The following SNX29 variants were observed in gnomAD, a reference collection of about 807,000 sequenced individuals.
SNX29 encodes the protein sorting nexin-29.
Under a neutral mutation model 102.1 loss-of-function variants are expected in SNX29, and 78 were observed. That is an observed-to-expected ratio of 0.76 (90% CI 0.64 to 0.92). SNX29 has a LOEUF of 0.92. Ranked by LOEUF, SNX29 falls within the 40% of genes least tolerant of loss-of-function variation. The pLI is 0.00. For missense variants in SNX29, 1,280 were observed against 1,061.7 expected, an observed-to-expected ratio of 1.21 and a Z score of -2.86; for synonymous variants, 580 against 414.5, an observed-to-expected ratio of 1.40 and a Z score of -4.85.
chr16:12,410,333 C>T (rs1212584330), intron 18 of SNX29, among the ~76,000 whole-genome samples: 1 of 151,962 alleles, frequency 6.6e-6, no homozygotes, highest in Non-Finnish European at 1.5e-5. Context: ...TTCCTAGAGG[C>T]CACAGGGTGT....
intron 14 of SNX29, among the ~76,000 whole-genome samples, chr16:12,236,727 G>A (rs1486200544): frequency 1.3e-5 from 2 of 152,208 alleles, no homozygotes; most frequent in African/African-American, 4.8e-5. Flanking sequence ...AGATGCTGGC[G>A]TTCCTCTTTC....
chr16:12,570,003 A>G lies in SNX29; in HGVS notation c.*1374A>G, dbSNP rs1289669793. ...TGGAACTGCTTCAACTCAGTGGCTT[A>G]AAATGAGAACTGCCCAGGTGAGCAT... is the stretch of plus-strand genomic sequence containing the variant. On this transcript the variant is annotated 3_prime_UTR_variant, in exon 21 of 21. Transcript: ENST00000566228. 3.5e-6 allele frequency: 1 copy of G among 286,200 alleles called. No individual in the cohort carries two copies. The highest frequency in any genetic ancestry group is 6.0e-6 in the Non-Finnish European group (1 of 166,922). The allele number at this position is 286,200 out of a possible 1,614,324, so 17.7% of individuals were successfully genotyped here.
In SNX29 at chr16:12,053,972, TG is replaced by T. The variant is rs200397244; in HGVS notation, c.1124+1751del. On this transcript the variant is annotated intron_variant, in intron 8 of 20. Coordinates refer to ENST00000566228, the MANE Select transcript of SNX29 (RefSeq NM_032167.5). ...ATCCAAAGCTTATATTGTCAGTTTT[TG>T]TTTTTTTTTTTTGAGACAGAGTCTT... 4.0e-3 allele frequency among the ~76,000 whole-genome samples: 607 copies of T among 150,168 alleles called. 10 individuals are homozygous for T. Among genetic ancestry groups the T allele is most frequent in the African/African-American group, 0.013 (545 of 41,078 alleles).
chr16:12,048,055 C>G (rs1361497818), intron 6 of SNX29, among the ~76,000 whole-genome samples: 2 of 151,936 alleles, frequency 1.3e-5, no homozygotes, highest in African/African-American at 4.8e-5. Flanking sequence ...CAGTTGACCT[C>G]TTATTCATAT....
At chr16:12,018,663 A>C (rs1414288902) in intron 3 of SNX29, among the ~76,000 whole-genome samples, 2 of 151,394 alleles carry the variant, frequency 1.3e-5, no homozygotes, top group African/African-American at 2.4e-5. Flanking sequence ...TTGTCTACCT[A>C]AAGTCAACTT....
rs527972313 is a variant in SNX29 at position 12,088,763 on chromosome 16, T to C, written c.1402+9848T>C. Among the ~76,000 whole-genome samples the C allele has an allele frequency of 2.0e-5, 3 of 151,580 alleles. No individual in the cohort carries two copies. In the South Asian group the frequency reaches 6.3e-4, roughly 32 times the overall value. On this transcript the variant is annotated intron_variant, in intron 11 of 20. Transcript: ENST00000566228. Reference sequence around the variant, plus strand: ...GAGTTCAAGACCAGCCTGGGCAACATAGCAAGACCCTTCCTCTACAAATAA... The same window carrying C: ...GAGTTCAAGACCAGCCTGGGCAACACAGCAAGACCCTTCCTCTACAAATAA...
chr16:12,248,010 C>T (rs1456486432), intron 14 of SNX29, among the ~76,000 whole-genome samples: 2 of 152,208 alleles, frequency 1.3e-5, no homozygotes, highest in Non-Finnish European at 2.9e-5. Context: ...CTCCCCAGGC[C>T]CACCGTAATC....
intron 16 of SNX29, among the ~76,000 whole-genome samples, chr16:12,359,182 T>A (rs954265323): frequency 6.6e-6 from 1 of 152,208 alleles, no homozygotes; most frequent in African/African-American, 2.4e-5. Flanking sequence ...TGTGTCAGAA[T>A]TGAATCAGAG....
intron 16 of SNX29, among the ~76,000 whole-genome samples, chr16:12,361,962 G>A (rs1286106659): frequency 1.3e-5 from 2 of 152,060 alleles, no homozygotes; most frequent in Non-Finnish European, 2.9e-5. Flanking sequence ...GCCTATACAT[G>A]TTAATAACGA....
rs1204076289 is a variant in SNX29 at position 12,568,876 on chromosome 16, T to C, written c.*247T>C. On this transcript the variant is annotated 3_prime_UTR_variant, in exon 21 of 21. Transcript: ENST00000566228. The stretch of plus-strand genomic sequence containing the variant: ...CTGGGACACACAGTCCTTCTGCTTC[T>C]GGGGTCTACCCTGGGCTGCAAGGGC... 1.2e-5 allele frequency: 7 copies of C among 585,706 alleles called. No individual in the cohort carries two copies. The African/African-American group carries it at 1.3e-4, about 11-fold the overall frequency. The allele number at this position is 585,706 out of a possible 1,614,324, so 36.3% of individuals were successfully genotyped here. A position where few individuals can be genotyped will look rare whatever the true frequency, so the allele number is the denominator to read the frequency against.
intron 15 of SNX29, among the ~76,000 whole-genome samples, chr16:12,302,907 C>T (rs1222608785): frequency 6.6e-6 from 1 of 152,232 alleles, no homozygotes; most frequent in African/African-American, 2.4e-5. Flanking sequence ...CTTCTGGGCT[C>T]GTGTTAGTGA....
At chr16:12,130,645 G>A (rs976816685) in intron 13 of SNX29, among the ~76,000 whole-genome samples, 2 of 152,074 alleles carry the variant, frequency 1.3e-5, no homozygotes, top group African/African-American at 4.8e-5. Flanking sequence ...GCTCCCTAGA[G>A]GGGGTCATTG....
At chr16:12,436,070 T>C (rs574919971) in intron 18 of SNX29, among the ~76,000 whole-genome samples, 25 of 152,256 alleles carry the variant, frequency 1.6e-4, no homozygotes, top group Admixed American at 3.9e-4. Context: ...TGGCACTCAA[T>C]TGGGGCGCCG....
At chr16:12,470,346 G>A (rs1251520234) in intron 18 of SNX29, among the ~76,000 whole-genome samples, 2 of 152,166 alleles carry the variant, frequency 1.3e-5, no homozygotes, top group African/African-American at 2.4e-5. Context: ...AGTTCTCACC[G>A]CCTTCATGTC....
At chr16:12,089,898 G>C (rs1369542066) in intron 11 of SNX29, 2 of 319,632 alleles carry the variant, frequency 6.3e-6, no homozygotes, top group Non-Finnish European at 1.2e-5. Context: ...GGGCTCCCCT[G>C]TGTCTCGGGG....
chr16:12,334,514 C>T (rs2081387149), intron 15 of SNX29, among the ~76,000 whole-genome samples: 1 of 152,192 alleles, frequency 6.6e-6, no homozygotes, highest in Admixed American at 6.5e-5. Context: ...GGATGCTATT[C>T]TGATGACAAA....
At chr16:12,520,627 A>G (rs1161557375) in intron 19 of SNX29, among the ~76,000 whole-genome samples, 1 of 152,216 alleles carries the variant, frequency 6.6e-6, no homozygotes, top group Non-Finnish European at 1.5e-5. Context: ...TAAAAAAGGA[A>G]CGAAATCATG....
intron 20 of SNX29, among the ~76,000 whole-genome samples, chr16:12,564,338 C>G (rs150700971): frequency 1.3e-5 from 2 of 152,188 alleles, no homozygotes; most frequent in African/African-American, 2.4e-5. Context: ...TTATTTCAGT[C>G]ATTTCAGGAT....
rs778695340 is a variant in SNX29 at position 12,043,043 on chromosome 16, C to G, written c.394C>G (p.Leu132Val). ...CAACGAACACTCCCTGGAGCGCTACCTGCACATGCTCCTGGCCGACCGCTG... is the reference window on the plus strand; with the variant it reads ...CAACGAACACTCCCTGGAGCGCTACGTGCACATGCTCCTGGCCGACCGCTG... ...ALNEHSLERY[L>V]HMLLADRCRL... Residue 132 changes from leucine (L) to valine (V), a missense_variant, in exon 5 of 21, where the codon CTG becomes GTG. Physicochemically the swap from Leu to Val is conservative, Grantham distance 32 (BLOSUM62 1). Transcript: ENST00000566228. 14 of 1,613,402 alleles carry G rather than the reference C, an allele frequency of 8.7e-6. No homozygotes were observed. The highest frequency in any genetic ancestry group is 1.2e-5 in the Non-Finnish European group (14 of 1,179,872).
Sources: gnomAD v4.1 joint callset for allele counts (sites outside exome capture counted in the v4.1 genomes callset) on GRCh38, gnomAD v4.1.1 for gene constraint, MANE v1.5 for transcripts, NCBI Gene and HGNC (gene_info 2026-07-23, HGNC 2026-07-21) for gene names.